CHSY1: variants seen among roughly 807,000 people sequenced by gnomAD.
CHSY1 encodes the protein chondroitin sulfate synthase 1, also known as N-acetylgalactosaminyl-proteoglycan 3-beta-glucuronosyltransferase 1.
In CHSY1, 13 loss-of-function variants were observed where a neutral mutation model predicts 59.8. The observed-to-expected ratio is 0.22, with a 90% CI of 0.14 to 0.35. CHSY1 has a LOEUF of 0.35. Ranked by LOEUF, CHSY1 falls within the 10% of genes least tolerant of loss-of-function variation. The pLI is 1.00. For synonymous variants in CHSY1, 459 were observed against 401.2 expected, an observed-to-expected ratio of 1.14 and a Z score of -1.72; for missense variants, 947 against 1,030.6, an observed-to-expected ratio of 0.92 and a Z score of 1.11.
intron 2 of CHSY1, among the ~76,000 whole-genome samples, chr15:101,224,783 G>T (rs1383315152): frequency 6.6e-6 from 1 of 152,164 alleles, no homozygotes; most frequent in Admixed American, 6.5e-5. Flanking sequence ...CACCGCCTGA[G>T]GTGAACAACA....
chr15:101,180,564 A>G (rs1486912898), intron 2 of CHSY1, among the ~76,000 whole-genome samples: 1 of 152,212 alleles, frequency 6.6e-6, no homozygotes, highest in South Asian at 2.1e-4. Flanking sequence ...CACACTTTAT[A>G]TGGAATTTTA....
intron 1 of CHSY1, among the ~76,000 whole-genome samples, chr15:101,236,299 C>T (rs999551240): frequency 4.6e-5 from 7 of 152,190 alleles, no homozygotes; most frequent in Non-Finnish European, 1.0e-4. Flanking sequence ...ACAGTTCCCA[C>T]ATGTTGCGGG....
rs1258076179 is a variant in CHSY1 at position 101,181,317 on chromosome 15, CAG to C, written c.817-2339_817-2338del. 7.9e-5 allele frequency among the ~76,000 whole-genome samples: 12 copies of C among 152,230 alleles called. 1 individual carries two copies. Among genetic ancestry groups the C allele is most frequent in the Admixed American group, 7.9e-4 (12 of 15,286 alleles). On this transcript the variant is annotated intron_variant, in intron 2 of 2. Transcript: ENST00000254190. ...ATAAAAAGCTAGATGACAATTCCGG[CAG>C]AGATTCTACATGTATTTGTTTCAAG...
chr15:101,224,184 T>G (rs2141268517), intron 2 of CHSY1, among the ~76,000 whole-genome samples: 1 of 152,366 alleles, frequency 6.6e-6, no homozygotes, highest in South Asian at 2.1e-4. Context: ...CAAAATCACC[T>G]GAGGATATAC....
At chr15:101,220,848 C>T (rs1425203036) in intron 2 of CHSY1, among the ~76,000 whole-genome samples, 1 of 152,214 alleles carries the variant, frequency 6.6e-6, no homozygotes, top group Non-Finnish European at 1.5e-5. Context: ...GTTTGAACTG[C>T]TCAAAACGTC....
intron 1 of CHSY1, among the ~76,000 whole-genome samples, chr15:101,250,812 G>C (rs2039100343): frequency 6.6e-6 from 1 of 152,208 alleles, no homozygotes; most frequent in South Asian, 2.1e-4. Flanking sequence ...CCAACATTAT[G>C]AGGGAGACCC....
chr15:101,218,898 C>T (rs932407954), intron 2 of CHSY1, among the ~76,000 whole-genome samples: 1 of 152,182 alleles, frequency 6.6e-6, no homozygotes, highest in Non-Finnish European at 1.5e-5. Context: ...AACATTTCAA[C>T]TTTATTGGTT....
chr15:101,176,022 G>A lies in CHSY1; in HGVS notation c.*1366C>T. 2.8e-6 allele frequency: 1 copy of A among 360,208 alleles called. No individual in the cohort carries two copies. 22.3% of individuals were successfully genotyped at this position (360,208 alleles called of 1,614,324 possible). ...TTTCACTTTTGTCCCCAAAACACAT[G>A]AGCACCAAAATTGTCAAAGAACACT... is the stretch of plus-strand genomic sequence containing the variant. On this transcript the variant is annotated 3_prime_UTR_variant, in exon 3 of 3. Coordinates refer to ENST00000254190, the MANE Select transcript of CHSY1 (RefSeq NM_014918.5).
At chr15:101,213,238 A>G (rs961182005) in intron 2 of CHSY1, among the ~76,000 whole-genome samples, 11 of 150,946 alleles carry the variant, frequency 7.3e-5, no homozygotes, top group Admixed American at 7.0e-4. Flanking sequence ...CACACTTGAC[A>G]ACTATATCCT....
intron 2 of CHSY1, among the ~76,000 whole-genome samples, chr15:101,181,764 T>C (rs1029120852): frequency 5.3e-5 from 8 of 152,172 alleles, no homozygotes; most frequent in Admixed American, 3.3e-4. Flanking sequence ...TCTTCCCAAA[T>C]ACAGTGGATC....
intron 1 of CHSY1, among the ~76,000 whole-genome samples, chr15:101,246,400 T>C (rs1207562339): frequency 6.9e-6 from 1 of 145,786 alleles, no homozygotes; most frequent in African/African-American, 2.6e-5. Flanking sequence ...AAAATCTAAA[T>C]AGCACAGAAA....
At chr15:101,187,874 C>T (rs2038390842) in intron 2 of CHSY1, 1 of 246,828 alleles carries the variant, frequency 4.1e-6, no homozygotes, top group Non-Finnish European at 6.5e-6. Flanking sequence ...CAGGGCTCTG[C>T]GTCATTCTCC....
intron 2 of CHSY1, among the ~76,000 whole-genome samples, chr15:101,215,503 T>C (rs910403340): frequency 2.6e-5 from 4 of 152,098 alleles, no homozygotes; most frequent in Non-Finnish European, 4.4e-5. Context: ...AGGAGGCCAA[T>C]GTGGGTGGAT....
At chr15:101,246,415 C>T (rs2039052865) in intron 1 of CHSY1, among the ~76,000 whole-genome samples, 1 of 150,364 alleles carries the variant, frequency 6.7e-6, no homozygotes, top group South Asian at 2.1e-4. Context: ...CAGAAACTCT[C>T]TCAGCAAGAA....
intron 2 of CHSY1, among the ~76,000 whole-genome samples, chr15:101,205,906 A>T (rs371495005): frequency 8.0e-4 from 122 of 152,020 alleles, no homozygotes; most frequent in African/African-American, 2.3e-3. Flanking sequence ...GAGCCGAGAT[A>T]GCGCCACTAC....
chr15:101,193,497 A>C, intron 2 of CHSY1, among the ~76,000 whole-genome samples: 1 of 36,434 alleles, frequency 2.7e-5, no homozygotes, highest in South Asian at 7.6e-4. Flanking sequence ...GAGCAAGCAT[A>C]AACGGCTGGG....
chr15:101,219,462 G>C (rs1014716931), intron 2 of CHSY1, among the ~76,000 whole-genome samples: 2 of 152,150 alleles, frequency 1.3e-5, no homozygotes, highest in East Asian at 3.8e-4. Flanking sequence ...CGTAGGGAGG[G>C]GTGGATTATC....
intron 2 of CHSY1, among the ~76,000 whole-genome samples, chr15:101,229,423 T>C (rs1175512239): frequency 2.0e-5 from 3 of 152,080 alleles, no homozygotes; most frequent in Non-Finnish European, 4.4e-5. Flanking sequence ...CATACTAATA[T>C]CAGACAAAAC....
intron 2 of CHSY1, among the ~76,000 whole-genome samples, chr15:101,196,245 A>T (rs56129288): frequency 0.016 from 2,417 of 151,858 alleles, 31 homozygotes; most frequent in East Asian, 0.07. Flanking sequence ...AAAAAAAAAA[A>T]ACATATATGT....
Sources: allele counts gnomAD v4.1 joint callset (sites outside exome capture counted in the v4.1 genomes callset), GRCh38; gene constraint gnomAD v4.1.1; transcripts MANE v1.5; gene names NCBI Gene and HGNC (gene_info 2026-07-23, HGNC 2026-07-21).